Variants in RNF103 observed in about 807,000 individuals in gnomAD.
RNF103 encodes the protein E3 ubiquitin-protein ligase RNF103.
RNF103 carries 23 observed loss-of-function variants against 66.2 expected under a neutral mutation model. The observed-to-expected ratio is 0.35, with a 90% CI of 0.25 to 0.49. The LOEUF is 0.49. Ranked by LOEUF, RNF103 falls within the 20% of genes least tolerant of loss-of-function variation. The pLI is 0.98. For missense variants in RNF103, 730 were observed against 814.7 expected, an observed-to-expected ratio of 0.90 and a Z score of 1.27; for synonymous variants, 297 against 289.9, an observed-to-expected ratio of 1.02 and a Z score of -0.25.
intron 2 of RNF103, chr2:86,617,545 T>C (rs1377199829): frequency 1.5e-6 from 1 of 652,808 alleles, no homozygotes; most frequent in Non-Finnish European, 1.9e-6. Context: ...AAACATAGAC[T>C]ATATAGGATT....
intron 2 of RNF103, chr2:86,615,049 G>C (rs530730834): frequency 5.1e-5 from 50 of 985,250 alleles, no homozygotes; most frequent in Non-Finnish European, 5.9e-5. Context: ...CATGTGATAA[G>C]AGCTCCAATG....
chr2:86,620,412 G>T lies in RNF103; in HGVS notation c.284C>A (p.Ser95Ter). 1 of 1,605,132 alleles carries T rather than the reference G, an allele frequency of 6.2e-7. No individual in the cohort carries two copies. The highest frequency in any genetic ancestry group is 1.1e-5 in the South Asian group (1 of 90,194). The change falls in exon 2 of 4, where the codon TCG becomes TAG. Residue 95 changes from serine to a stop codon, truncating the protein, a stop_gained. Transcript: ENST00000237455. LOFTEE classifies it high-confidence loss of function. ...SALKEEEASE[S>*]VSSTNFSGEM... ...ACCACTGAAATTGGTACTAGAAACC[G>T]ATTCGGATGCTTCTTCTTCCTTGAG...
Position 86,609,386 on chromosome 2 carries a change from T to A in RNF103, c.482+2773A>T, listed in dbSNP as rs113713287. On this transcript the variant is annotated intron_variant, in intron 3 of 3. Coordinates refer to ENST00000237455, the MANE Select transcript of RNF103 (RefSeq NM_005667.4). ...TCATAAATTACTCAGCCTCAGGTAT[T>A]TTTTTTTTTTTTTTTTGAGACAGAG... Among the ~76,000 whole-genome samples, 54 of 128,464 alleles carry A rather than the reference T, an allele frequency of 4.2e-4. No homozygotes were observed. In the South Asian group the frequency reaches 5.2e-3, roughly 12 times the overall value. The allele number at this position is 128,464 out of a possible 152,430, so 84.3% of individuals were successfully genotyped here.
At chr2:86,615,030 T>A in intron 2 of RNF103, 1 of 985,386 alleles carries the variant, frequency 1.0e-6, no homozygotes, top group Non-Finnish European at 1.2e-6. Context: ...TGCACAGGTA[T>A]CTTTGAGACA....
chr2:86,617,028 G>A, intron 2 of RNF103: 1 of 985,398 alleles, frequency 1.0e-6, no homozygotes, highest in African/African-American at 1.7e-5. Context: ...ATGAGCTTGG[G>A]TTAGGGACAA....
rs371643715 is a variant in RNF103, at chr2:86,604,464, T to C, written c.1437A>G (p.Glu479=). ...PIASFQNFPV[E]SDWDEDPDLF... ...AGTCAGGGTCTTCGTCCCAATCAGA[T>C]TCTACAGGAAAGTTCTGAAAAGAAG... Residue 479 remains glutamate (E), a synonymous_variant, in exon 4 of 4, where the codon GAA becomes GAG. Coordinates refer to ENST00000237455, the MANE Select transcript of RNF103 (RefSeq NM_005667.4). 9 of 1,614,106 alleles carry C rather than the reference T, an allele frequency of 5.6e-6. No individual in the cohort carries two copies. Among genetic ancestry groups the C allele is most frequent in the Non-Finnish European group, 4.2e-6 (5 of 1,180,048 alleles).
chr2:86,619,433 A>G (rs911077199), intron 2 of RNF103, among the ~76,000 whole-genome samples: 1 of 152,182 alleles, frequency 6.6e-6, no homozygotes. Context: ...AACTAGTTCC[A>G]TGACCTTGGG....
intron 2 of RNF103, among the ~76,000 whole-genome samples, chr2:86,619,257 T>A (rs1296427474): frequency 1.3e-5 from 2 of 152,228 alleles, no homozygotes; most frequent in African/African-American, 4.8e-5. Flanking sequence ...TCTGAACTCA[T>A]AGCTTTTCCT....
At position 86,603,579 on chromosome 2, in the gene RNF103, T is replaced by C; in HGVS notation, c.*264A>G. 2.2e-6 allele frequency: 1 copy of C among 446,482 alleles called. No individual in the cohort carries two copies. Among genetic ancestry groups the C allele is most frequent in the Non-Finnish European group, 3.9e-6 (1 of 255,398 alleles). 27.7% of individuals were successfully genotyped at this position (446,482 alleles called of 1,614,324 possible). ...TTGTAAAGTCTTGCTAGGATAAATTTCTATAATACTTCTTTTGTGCTTACA... is the reference window on the plus strand; with the variant it reads ...TTGTAAAGTCTTGCTAGGATAAATTCCTATAATACTTCTTTTGTGCTTACA... On this transcript the variant is annotated 3_prime_UTR_variant, in exon 4 of 4. Coordinates refer to ENST00000237455, the MANE Select transcript of RNF103 (RefSeq NM_005667.4).
At chr2:86,612,084 T>A in intron 3 of RNF103, 75 bp downstream of exon 3, 1 of 866,302 alleles carries the variant, frequency 1.2e-6, no homozygotes, top group South Asian at 1.6e-5. Flanking sequence ...AGCAGGCTTC[T>A]AGTATCATTG....
intron 2 of RNF103, chr2:86,617,889 A>C: frequency 1.4e-4 from 145 of 1,045,244 alleles, no homozygotes; most frequent in Non-Finnish European, 1.7e-4. Flanking sequence ...TTTCAATCTC[A>C]TTCTTCTCAG....
In RNF103 at chr2:86,604,678, G is replaced by C. The variant is rs950323237; in HGVS notation, c.1223C>G (p.Ala408Gly). The change falls in exon 4 of 4, where the codon GCA becomes GGA. Residue 408 changes from alanine to glycine, a missense_variant. Around this residue, in one of 3 missense-constraint regions of RNF103, gnomAD observed 355 missense variants for 351.9 expected, o/e 1.01. Transcript: ENST00000237455. ...NTTTLASWVRADWMFYSSHPA... is the reference protein window; with the variant it reads ...NTTTLASWVRGDWMFYSSHPA... Reference sequence around the variant, plus strand: ...GTGTGAAGAGTAAAACATCCAGTCTGCCCTTACCCATGAAGCCAGTGTGGT... The same window carrying C: ...GTGTGAAGAGTAAAACATCCAGTCTCCCCTTACCCATGAAGCCAGTGTGGT... The C allele has an allele frequency of 6.2e-7, 1 of 1,614,036 alleles. No homozygotes were observed. The highest frequency in any genetic ancestry group is 8.5e-7 in the Non-Finnish European group (1 of 1,180,034).
At chr2:86,622,611 T>A in intron 1 of RNF103, 50 bp downstream of exon 1, 1 of 1,564,914 alleles carries the variant, frequency 6.4e-7, no homozygotes, top group Non-Finnish European at 8.8e-7. Context: ...GAGGTACAGG[T>A]CGTCCCCTCT....
At chr2:86,606,485 A>G (rs1229357733) in intron 3 of RNF103, among the ~76,000 whole-genome samples, 1 of 152,096 alleles carries the variant, frequency 6.6e-6, no homozygotes, top group African/African-American at 2.4e-5. Flanking sequence ...CAACATGGTG[A>G]AACCCCATCT....
intron 3 of RNF103, 109 bp from the exon 4 acceptor site, chr2:86,605,527 A>G: frequency 8.5e-7 from 1 of 1,178,430 alleles, no homozygotes; most frequent in Non-Finnish European, 1.2e-6. Context: ...ATTTCCAAAT[A>G]ATCAAAAAGT....
chr2:86,620,885 G>A (rs899819055), intron 1 of RNF103, among the ~76,000 whole-genome samples: 5 of 152,160 alleles, frequency 3.3e-5, no homozygotes, highest in Admixed American at 3.3e-4. Context: ...CTTAAAAGAT[G>A]TAGAATTGGG....
At chr2:86,621,531 C>T (rs1206253343) in intron 1 of RNF103, among the ~76,000 whole-genome samples, 1 of 152,106 alleles carries the variant, frequency 6.6e-6, no homozygotes, top group Non-Finnish European at 1.5e-5. Context: ...TCTAAAGAAA[C>T]ATTTATCACT....
At chr2:86,616,820 GA>G (rs1679042113) in intron 2 of RNF103, 1 of 985,266 alleles carries the variant, frequency 1.0e-6, no homozygotes, top group Non-Finnish European at 1.2e-6. Context: ...CGGAGAAACA[GA>G]AATGTTAGGA....
chr2:86,612,166 C>G lies in RNF103; in HGVS notation c.475G>C (p.Asp159His). The G allele has an allele frequency of 6.2e-7, 1 of 1,606,028 alleles. No individual in the cohort carries two copies. The highest frequency in any genetic ancestry group is 8.5e-7 in the Non-Finnish European group (1 of 1,175,804). Residue 159 changes from aspartate (D) to histidine (H), a missense_variant, in exon 3 of 4, where the codon GAT becomes CAT. By Grantham distance (81) the Asp-to-His change is moderately conservative. This residue lies in a region of RNF103 where 327 missense variants were observed against 369.8 expected (regional missense o/e 0.88). Transcript: ENST00000237455. ...IRTGTFNCSS[D>H]PRYCRRRGWV... ...ATTGCCTAATCAACTTACCTGGGAT[C>G]ACTGGAACAGTTAAATGTGCCTGTA... is the stretch of plus-strand genomic sequence containing the variant.
Sources: gnomAD v4.1 joint callset for allele counts (sites outside exome capture counted in the v4.1 genomes callset) on GRCh38, gnomAD v4.1.1 for gene constraint, gnomAD v4.1.1 regional missense constraint, MANE v1.5 for transcripts, NCBI Gene and HGNC (gene_info 2026-07-23, HGNC 2026-07-21) for gene names.